Variants in EXOC4 observed in about 807,000 individuals in gnomAD.
EXOC4 encodes SEC8-like 1.
Under a neutral mutation model 107.2 loss-of-function variants are expected in EXOC4, and 71 were observed. That is an observed-to-expected ratio of 0.66 (90% confidence interval 0.55 to 0.81). The LOEUF (loss-of-function observed/expected upper bound fraction) is 0.81, where lower values mean the gene tolerates loss of function less well. Among genes scored for constraint, EXOC4 ranks in the 30% least tolerant of loss-of-function variants. The pLI is 0.00. For missense variants in EXOC4, 1,108 were observed against 1,189.6 expected, an observed-to-expected ratio of 0.93 and a Z score of 1.01; for synonymous variants, 456 against 441.2, an observed-to-expected ratio of 1.03 and a Z score of -0.42.
intron 10 of EXOC4, among the ~76,000 whole-genome samples, chr7:133,682,975 G>A (rs181198168): frequency 1.7e-3 from 257 of 152,214 alleles, no homozygotes; most frequent in Middle Eastern, 0.014. Flanking sequence ...TAAACAAGTT[G>A]GTTTTCTGAT....
intron 9 of EXOC4, among the ~76,000 whole-genome samples, chr7:133,569,956 C>T (rs983370690): frequency 1.3e-5 from 2 of 152,128 alleles, no homozygotes; most frequent in Non-Finnish European, 1.5e-5. Flanking sequence ...CTGTTCGCCA[C>T]TAATTTTTAT....
chr7:133,347,278 C>G (rs1209104587), intron 5 of EXOC4, among the ~76,000 whole-genome samples: 1 of 147,446 alleles, frequency 6.8e-6, no homozygotes, highest in South Asian at 2.1e-4. Flanking sequence ...GAGTTTTGCT[C>G]TCTTGCCCAG....
intron 3 of EXOC4, among the ~76,000 whole-genome samples, chr7:133,301,162 G>C (rs1794633112): frequency 6.6e-6 from 1 of 152,210 alleles, no homozygotes; most frequent in African/African-American, 2.4e-5. Flanking sequence ...CCCTCTAGGG[G>C]AGCAGGCCCT....
intron 12 of EXOC4, 44 bp downstream of exon 12, chr7:133,895,779 G>A (rs200838946): frequency 4.2e-5 from 67 of 1,586,604 alleles, no homozygotes; most frequent in African/African-American, 5.4e-5. Flanking sequence ...GTTTGAGCCT[G>A]ATGGTGGTTC....
intron 6 of EXOC4, among the ~76,000 whole-genome samples, chr7:133,361,651 TG>T: frequency 6.6e-6 from 1 of 152,324 alleles, no homozygotes; most frequent in Non-Finnish European, 1.5e-5. Flanking sequence ...GCCAACAGAT[TG>T]TATTATCAAA....
chr7:133,729,401 G>A (rs1795280563), intron 10 of EXOC4, among the ~76,000 whole-genome samples: 1 of 152,114 alleles, frequency 6.6e-6, no homozygotes, highest in African/African-American at 2.4e-5. Flanking sequence ...TAATCAATGG[G>A]TTTGGACTCA....
At chr7:133,632,316 T>C (rs1802610858) in intron 10 of EXOC4, among the ~76,000 whole-genome samples, 1 of 152,182 alleles carries the variant, frequency 6.6e-6, no homozygotes. Context: ...CCGGAAAAAG[T>C]TTGTTCCCTG....
In EXOC4 at chr7:133,850,597, C is replaced by T. The variant is rs781261501; in HGVS notation, c.1734+33053C>T. The stretch of plus-strand genomic sequence containing the variant: ...GTATGAACAGTCTTATAGAATCATA[C>T]GTTCAGACATGAGAGGGCTTAAAGG... On this transcript the variant is annotated intron_variant, in intron 11 of 17. Transcript: ENST00000253861. Among the ~76,000 whole-genome samples, 105 of 151,754 alleles carry T rather than the reference C, an allele frequency of 6.9e-4. 1 individual carries two copies. Among genetic ancestry groups the T allele is most frequent in the Non-Finnish European group, 1.1e-3 (73 of 67,950 alleles).
chr7:133,651,381 T>C (rs1268791337), intron 10 of EXOC4, among the ~76,000 whole-genome samples: 2 of 152,168 alleles, frequency 1.3e-5, no homozygotes, highest in African/African-American at 4.8e-5. Context: ...ACACAACACC[T>C]ATAGTATCCT....
chr7:133,944,883 T>A (rs1256168225), intron 14 of EXOC4, among the ~76,000 whole-genome samples: 2 of 152,162 alleles, frequency 1.3e-5, no homozygotes, highest in Non-Finnish European at 2.9e-5. Context: ...TACAACCATA[T>A]TAATTTCAAA....
At chr7:134,043,295 A>G (rs1250252970) in intron 17 of EXOC4, among the ~76,000 whole-genome samples, 1 of 152,112 alleles carries the variant, frequency 6.6e-6, no homozygotes, top group African/African-American at 2.4e-5. Context: ...GGAGCAGATA[A>G]TTATTTTCTT....
intron 10 of EXOC4, among the ~76,000 whole-genome samples, chr7:133,668,837 TG>T (rs1299092127): frequency 2.6e-5 from 4 of 151,852 alleles, no homozygotes; most frequent in African/African-American, 9.7e-5. Flanking sequence ...GAGAGCCAGG[TG>T]GTGAGGGGCA....
chr7:134,038,925 A>G (rs768693631), intron 17 of EXOC4, among the ~76,000 whole-genome samples: 6 of 152,294 alleles, frequency 3.9e-5, no homozygotes, highest in South Asian at 4.1e-4. Context: ...AGCACTCCAA[A>G]TGCACATGTA....
Position 133,780,726 on chromosome 7 carries a change from G to T in EXOC4, c.1515-36599G>T, listed in dbSNP as rs561867274. On this transcript the variant is annotated intron_variant, in intron 10 of 17. Coordinates refer to ENST00000253861, the MANE Select transcript of EXOC4 (RefSeq NM_021807.4). Reference sequence around the variant, plus strand: ...ACTGGCTAGGAGCAACCTGGGGGAAGGGCAGGAACTCCATGAGAATCCAAA... The same window carrying T: ...ACTGGCTAGGAGCAACCTGGGGGAATGGCAGGAACTCCATGAGAATCCAAA... Among the ~76,000 whole-genome samples the T allele has an allele frequency of 9.9e-5, 15 of 152,270 alleles. No individual in the cohort carries two copies. The South Asian group carries it at 3.1e-3, about 32-fold the overall frequency.
chr7:133,456,144 G>A (rs1479031638), intron 7 of EXOC4, among the ~76,000 whole-genome samples: 2 of 152,152 alleles, frequency 1.3e-5, no homozygotes, highest in Non-Finnish European at 2.9e-5. Context: ...GGAGGTGAAA[G>A]CACCTCTATT....
At chr7:133,290,318 A>G (rs902622767) in intron 3 of EXOC4, among the ~76,000 whole-genome samples, 2 of 152,176 alleles carry the variant, frequency 1.3e-5, no homozygotes, top group Non-Finnish European at 2.9e-5. Context: ...AATAAACAAC[A>G]AAAAAAGATT....
At chr7:133,904,426 A>C (rs1799523571) in intron 12 of EXOC4, among the ~76,000 whole-genome samples, 1 of 152,228 alleles carries the variant, frequency 6.6e-6, no homozygotes, top group South Asian at 2.1e-4. Flanking sequence ...TTGTCCAAAC[A>C]GCAAACTCTA....
Position 134,065,153 on chromosome 7 carries a change from G to A in EXOC4, c.*625G>A, listed in dbSNP as rs539133711. 2.1e-4 allele frequency: 32 copies of A among 152,670 alleles called. No individual in the cohort carries two copies. Among genetic ancestry groups the A allele is most frequent in the African/African-American group, 7.0e-4 (29 of 41,542 alleles). The allele number at this position is 152,670 out of a possible 1,614,324, so 9.5% of individuals were successfully genotyped here. On this transcript the variant is annotated 3_prime_UTR_variant, in exon 18 of 18. Coordinates refer to ENST00000253861, the MANE Select transcript of EXOC4 (RefSeq NM_021807.4). ...CCCAGTCCCTGGGACAGTTTTGTAT[G>A]CTGTATCTTGTACACAGGTTGTAGG...
At chr7:133,516,691 G>A (rs897417928) in intron 9 of EXOC4, among the ~76,000 whole-genome samples, 3 of 142,354 alleles carry the variant, frequency 2.1e-5, no homozygotes, top group African/African-American at 7.7e-5. Context: ...ACACCTAGAA[G>A]TGGAAAGTCT....
Sources: gnomAD v4.1 joint callset for allele counts (sites outside exome capture counted in the v4.1 genomes callset) on GRCh38, gnomAD v4.1.1 for gene constraint, MANE v1.5 for transcripts, NCBI Gene and HGNC (gene_info 2026-07-23, HGNC 2026-07-21) for gene names.